The following BICD1 variants were observed in gnomAD, a reference collection of about 807,000 sequenced individuals.
The protein encoded by BICD1 is BICD cargo adaptor 1.
In BICD1, 35 loss-of-function variants were observed where a neutral mutation model predicts 92.5. The ratio of observed to expected loss-of-function variants is 0.38; its 90% CI spans 0.29 to 0.50. The LOEUF is 0.50. Ranked by LOEUF, BICD1 falls within the 20% of genes least tolerant of loss-of-function variation. The pLI is 0.93. For synonymous variants in BICD1, 429 were observed against 465.1 expected, an observed-to-expected ratio of 0.92 and a Z score of 1.00; for missense variants, 950 against 1,189.8, an observed-to-expected ratio of 0.80 and a Z score of 2.97.
At chr12:32,244,707 C>T (rs1434611620) in intron 2 of BICD1, among the ~76,000 whole-genome samples, 1 of 151,012 alleles carries the variant, frequency 6.6e-6, no homozygotes, top group Non-Finnish European at 1.5e-5. Context: ...CGGCTCACTG[C>T]AACCTCCACC....
chr12:32,143,989 T>C (rs567332855), intron 1 of BICD1, among the ~76,000 whole-genome samples: 3 of 152,328 alleles, frequency 2.0e-5, no homozygotes, highest in African/African-American at 7.2e-5. Flanking sequence ...TTCAAAATGA[T>C]CTATAGGAGT....
intron 1 of BICD1, among the ~76,000 whole-genome samples, chr12:32,119,110 A>G (rs1322722727): frequency 6.6e-6 from 1 of 152,162 alleles, no homozygotes; most frequent in African/African-American, 2.4e-5. Context: ...GAGACTGGGG[A>G]ATGTGATTTT....
chr12:32,310,820 A>G (rs1191734629), intron 4 of BICD1, among the ~76,000 whole-genome samples: 1 of 152,254 alleles, frequency 6.6e-6, no homozygotes, highest in Non-Finnish European at 1.5e-5. Context: ...ATCATGTTGT[A>G]CATGATAAAT....
At chr12:32,113,443 G>T (rs2121153453) in intron 1 of BICD1, among the ~76,000 whole-genome samples, 1 of 147,294 alleles carries the variant, frequency 6.8e-6, no homozygotes, top group Middle Eastern at 3.9e-3. Flanking sequence ...GTGCAGTGGT[G>T]CTGTTACAGC....
chr12:32,171,986 C>T (rs77896666), intron 1 of BICD1, among the ~76,000 whole-genome samples: 1,688 of 115,708 alleles, frequency 0.015, 30 homozygotes, highest in East Asian at 0.071. Flanking sequence ...CACACACACA[C>T]ACACTAAAAC....
chr12:32,188,343 T>C (rs1236362130), intron 1 of BICD1, among the ~76,000 whole-genome samples: 1 of 152,214 alleles, frequency 6.6e-6, no homozygotes, highest in African/African-American at 2.4e-5. Context: ...AGTTTATATA[T>C]TGGTGAGATT....
chr12:32,179,638 G>A (rs1445607357), intron 1 of BICD1, among the ~76,000 whole-genome samples: 4 of 151,912 alleles, frequency 2.6e-5, no homozygotes, highest in African/African-American at 7.2e-5. Flanking sequence ...TTTCATAGCA[G>A]TAATAAGGAT....
intron 2 of BICD1, among the ~76,000 whole-genome samples, chr12:32,279,825 G>T (rs560220775): frequency 6.6e-6 from 1 of 152,176 alleles, no homozygotes; most frequent in Non-Finnish European, 1.5e-5. Context: ...AATTGCCAGG[G>T]TCAGTGGCTT....
At chr12:32,288,635 G>A (rs925450843) in intron 2 of BICD1, among the ~76,000 whole-genome samples, 6 of 152,046 alleles carry the variant, frequency 3.9e-5, no homozygotes, top group Non-Finnish European at 5.9e-5. Context: ...GGAGGCCAAC[G>A]CAGGTGGATC....
intron 2 of BICD1, among the ~76,000 whole-genome samples, chr12:32,281,628 A>G (rs1308849858): frequency 6.6e-6 from 1 of 152,226 alleles, no homozygotes; most frequent in African/African-American, 2.4e-5. Flanking sequence ...ATAAATACAC[A>G]TGGAATGGAT....
Position 32,379,868 on chromosome 12 carries a change from A to T in BICD1, c.*2241A>T, listed in dbSNP as rs575893350. 6.6e-6 allele frequency: 1 copy of T among 152,302 alleles called. No homozygotes were observed. The highest frequency in any genetic ancestry group is 6.5e-5 in the Admixed American group (1 of 15,280). The allele number at this position is 152,302 out of a possible 1,614,324, so 9.4% of individuals were successfully genotyped here. ...CAGGAAGTATTGTCTGTGTGTGATGACGGGGCAGTATTGCCAGTCGGCAAT... is the reference window on the plus strand; with the variant it reads ...CAGGAAGTATTGTCTGTGTGTGATGTCGGGGCAGTATTGCCAGTCGGCAAT... On this transcript the variant is annotated 3_prime_UTR_variant, in exon 10 of 10. Transcript: ENST00000652176.
Position 32,327,589 on chromosome 12 carries a change from G to C in BICD1, c.1134G>C (p.Met378Ile). 1.2e-6 allele frequency: 2 copies of C among 1,614,150 alleles called. No homozygotes were observed. The highest frequency in any genetic ancestry group is 1.7e-6 in the Non-Finnish European group (2 of 1,180,030). The change falls in exon 5 of 10, where the codon ATG becomes ATC. Residue 378 changes from methionine (M) to isoleucine (I), a missense_variant. Coordinates refer to ENST00000652176, the MANE Select transcript of BICD1 (RefSeq NM_001714.4). ...GGCTCACAGAGCACGTCAATGCCAT[G>C]AGGGGCCTGCAAAGCAGCAAGGAGC... The part of the protein sequence containing the change: ...VHRLTEHVNA[M>I]RGLQSSKELK...
At chr12:32,375,193 G>C (rs1290434523) in intron 9 of BICD1, among the ~76,000 whole-genome samples, 1 of 151,734 alleles carries the variant, frequency 6.6e-6, no homozygotes, top group Non-Finnish European at 1.5e-5. Flanking sequence ...CTGAAGTGCT[G>C]GGATTACAGG....
chr12:32,167,508 T>C (rs1592405434), intron 1 of BICD1, among the ~76,000 whole-genome samples: 1 of 152,018 alleles, frequency 6.6e-6, no homozygotes, highest in African/African-American at 2.4e-5. Flanking sequence ...CAGGCTGGAG[T>C]GCAGTGGTGA....
chr12:32,112,230 T>C (rs1941724854), intron 1 of BICD1, among the ~76,000 whole-genome samples: 1 of 152,198 alleles, frequency 6.6e-6, no homozygotes, highest in Non-Finnish European at 1.5e-5. Context: ...GGTCTTGAAC[T>C]CCCGACCTCA....
At chr12:32,314,491 C>T (rs1200157655) in intron 4 of BICD1, among the ~76,000 whole-genome samples, 1 of 152,164 alleles carries the variant, frequency 6.6e-6, no homozygotes, top group Non-Finnish European at 1.5e-5. Flanking sequence ...AGTGGTATTT[C>T]ATTATCATCT....
intron 1 of BICD1, among the ~76,000 whole-genome samples, chr12:32,168,877 G>A (rs983132587): frequency 3.3e-5 from 5 of 152,020 alleles, no homozygotes; most frequent in East Asian, 1.9e-4. Flanking sequence ...CAGGAGAATC[G>A]CTTGAACCCG....
chr12:32,107,441 A>C lies in BICD1; in HGVS notation c.110A>C (p.Tyr37Ser). 1.2e-6 allele frequency: 2 copies of C among 1,612,022 alleles called. No individual in the cohort carries two copies. The highest frequency in any genetic ancestry group is 1.7e-6 in the Non-Finnish European group (2 of 1,179,270). ...TTHEKIQAAE[Y>S]GLVVLEEKLT... ...CACGAGAAGATCCAGGCTGCCGAGTACGGGCTGGTGGTGCTGGAGGAGAAG... is the reference window on the plus strand; with the variant it reads ...CACGAGAAGATCCAGGCTGCCGAGTCCGGGCTGGTGGTGCTGGAGGAGAAG... The change falls in exon 1 of 10, where the codon TAC (tyrosine) becomes TCC (serine). Residue 37 changes from tyrosine to serine, a missense_variant. By Grantham distance (144) the Tyr-to-Ser change is moderately radical. Around this residue, in one of 5 missense-constraint regions of BICD1, gnomAD observed 202 missense variants for 205.3 expected, o/e 0.98. Transcript: ENST00000652176.
chr12:32,116,504 C>A (rs1192823155), intron 1 of BICD1, among the ~76,000 whole-genome samples: 2,825 of 81,036 alleles, frequency 0.035, 44 homozygotes, highest in Middle Eastern at 0.082. Context: ...CTCTCTCTCT[C>A]TCTCTCTATA....
Sources: allele counts gnomAD v4.1 joint callset (sites outside exome capture counted in the v4.1 genomes callset), GRCh38; gene constraint gnomAD v4.1.1; regional missense constraint gnomAD v4.1.1; transcripts MANE v1.5; gene names NCBI Gene and HGNC (gene_info 2026-07-23, HGNC 2026-07-21).